The following STOM variants were observed in gnomAD, a reference collection of about 807,000 sequenced individuals.
STOM encodes stomatin.
Under a neutral mutation model 30.6 loss-of-function variants are expected in STOM, and 25 were observed. The observed-to-expected ratio is 0.82, with a 90% CI of 0.60 to 1.14. The LOEUF (loss-of-function observed/expected upper bound fraction) is 1.14. Ranked by LOEUF, STOM falls within the 50% of genes most tolerant of loss-of-function variation. STOM has a pLI of 0.00. For missense variants in STOM, 292 were observed against 365.2 expected (o/e 0.80, Z 1.63); for synonymous variants, 118 against 130.8 (o/e 0.90, Z 0.67).
chr9:121,355,761 A>T (rs2064382948), intron 2 of STOM, among the ~76,000 whole-genome samples: 1 of 152,204 alleles, frequency 6.6e-6, no homozygotes, highest in Non-Finnish European at 1.5e-5. Context: ...CTATCATCCT[A>T]ACTCTGAAGA....
chr9:121,365,376 A>G (rs1157141822), intron 1 of STOM, among the ~76,000 whole-genome samples: 1 of 152,206 alleles, frequency 6.6e-6, no homozygotes, highest in Non-Finnish European at 1.5e-5. Context: ...TGTTCAGGAA[A>G]ATTGGAGAGA....
In STOM at chr9:121,369,695, AG is replaced by A. The variant is rs150172971; in HGVS notation, c.61+431del. On this transcript the variant is annotated intron_variant, in intron 1 of 6. Transcript: ENST00000286713. ...GGAGGAGGGGGTTCACCCTGGGGCC[AG>A]GCCAGGGCTGGGTGGAGGAGGCGGC... 5.6e-3 allele frequency among the ~76,000 whole-genome samples: 856 copies of A among 152,140 alleles called. 5 individuals carry two copies. The highest frequency in any genetic ancestry group is 0.02 in the African/African-American group (818 of 41,504).
chr9:121,345,711 G>A (rs2064283267), intron 6 of STOM, among the ~76,000 whole-genome samples: 1 of 152,094 alleles, frequency 6.6e-6, no homozygotes, highest in Non-Finnish European at 1.5e-5. Flanking sequence ...AGAATTCTAA[G>A]CGGTTTCTTC....
intron 1 of STOM, among the ~76,000 whole-genome samples, chr9:121,359,131 G>A (rs941076199): frequency 3.3e-5 from 5 of 152,176 alleles, no homozygotes; most frequent in African/African-American, 9.7e-5. Context: ...TAATGACAGA[G>A]GGGAGAAAAG....
At chr9:121,361,221 C>A in intron 1 of STOM, among the ~76,000 whole-genome samples, 1 of 152,004 alleles carries the variant, frequency 6.6e-6, no homozygotes, top group East Asian at 1.9e-4. Flanking sequence ...TAGTCATCTA[C>A]CACTTCTGGG....
chr9:121,348,284 G>T, intron 5 of STOM, 135 bp from the exon 6 acceptor site: 1 of 1,238,546 alleles, frequency 8.1e-7, no homozygotes, highest in Non-Finnish European at 1.1e-6. Flanking sequence ...ACGGTGGAAC[G>T]AATGGTGACG....
intron 6 of STOM, among the ~76,000 whole-genome samples, chr9:121,345,948 C>A (rs2064285743): frequency 6.6e-6 from 1 of 152,006 alleles, no homozygotes; most frequent in South Asian, 2.1e-4. Context: ...GGATGGCAAA[C>A]AAGTTTCATT....
At chr9:121,344,027 G>A (rs932357542) in intron 6 of STOM, among the ~76,000 whole-genome samples, 9 of 152,176 alleles carry the variant, frequency 5.9e-5, no homozygotes, top group African/African-American at 2.2e-4. Context: ...GACTAGGTAG[G>A]AGGAGGAAAG....
chr9:121,350,269 C>A (rs1041451981), intron 4 of STOM, among the ~76,000 whole-genome samples: 4 of 152,226 alleles, frequency 2.6e-5, no homozygotes, highest in Non-Finnish European at 5.9e-5. Context: ...CTCTCACTAA[C>A]AACATCAGGC....
intron 1 of STOM, among the ~76,000 whole-genome samples, chr9:121,362,454 T>C (rs1005521083): frequency 2.0e-5 from 3 of 152,206 alleles, no homozygotes; most frequent in Non-Finnish European, 4.4e-5. Context: ...ATTAATTCCA[T>C]TTTATATGAT....
intron 6 of STOM, among the ~76,000 whole-genome samples, chr9:121,345,486 G>C (rs187088327): frequency 1.2e-4 from 19 of 152,148 alleles, no homozygotes; most frequent in Non-Finnish European, 2.4e-4. Flanking sequence ...CACCTTTCCT[G>C]TGCAATTTAT....
intron 2 of STOM, 53 bp from the exon 3 acceptor site, chr9:121,354,726 T>G (rs976110610): frequency 7.5e-7 from 1 of 1,341,444 alleles, no homozygotes; most frequent in African/African-American, 1.5e-5. Context: ...AATATATACA[T>G]GCATGGCTTC....
rs748739430 is a variant in STOM, at chr9:121,341,411, A to G, written c.661-3T>C. ...ATTTCTCCTTCGGCTGCAATAACCT[A>G]TGGACAGGTGAAAGGAGGGGTTGAA... On this transcript the variant is annotated splice_polypyrimidine_tract_variant and splice_region_variant and intron_variant, in intron 6 of 6. Coordinates refer to ENST00000286713, the MANE Select transcript of STOM (RefSeq NM_004099.6). 1 of 1,612,654 alleles carries G rather than the reference A, an allele frequency of 6.2e-7. No individual in the cohort carries two copies. Among genetic ancestry groups the G allele is most frequent in the Middle Eastern group, 2.1e-4 (1 of 4,808 alleles).
chr9:121,342,407 T>C (rs2064254329), intron 6 of STOM, among the ~76,000 whole-genome samples: 1 of 152,044 alleles, frequency 6.6e-6, no homozygotes, highest in Non-Finnish European at 1.5e-5. Flanking sequence ...TAGGAGAAAT[T>C]CTGAAATGTT....
At chr9:121,351,936 C>A (rs893667144) in intron 4 of STOM, among the ~76,000 whole-genome samples, 6 of 151,696 alleles carry the variant, frequency 4.0e-5, no homozygotes, top group Non-Finnish European at 8.8e-5. Context: ...TAGAATAAAA[C>A]CTTAAGAAAA....
intron 1 of STOM, among the ~76,000 whole-genome samples, chr9:121,359,641 T>G (rs1389585508): frequency 6.6e-6 from 1 of 152,178 alleles, no homozygotes; most frequent in African/African-American, 2.4e-5. Flanking sequence ...AACAGCCCTG[T>G]GAGGGTATTT....
rs1324312068 is a variant in STOM at position 121,341,227 on chromosome 9, C to T, written c.842G>A (p.Gly281Glu). 6 of 1,613,974 alleles carry T rather than the reference C, an allele frequency of 3.7e-6. No individual in the cohort carries two copies. In the African/African-American group the frequency reaches 6.7e-5, roughly 18 times the overall value. ...CTAGCCTAGATGGCTGTGTTTTGCC[C>T]CTATGATTCCTTGCAGCATATCTAT... ...LPIDMLQGII[G>E]AKHSHLG The change falls in exon 7 of 7, where the codon GGG becomes GAG. Residue 281 changes from glycine (G) to glutamate (E), a missense_variant. Gly to Glu is a moderately conservative substitution (Grantham distance 98, BLOSUM62 -2). Coordinates refer to ENST00000286713, the MANE Select transcript of STOM (RefSeq NM_004099.6).
rs1424882706 is a variant in STOM, at chr9:121,349,239, T to C, written c.406A>G (p.Ile136Val). Residue 136 changes from isoleucine (I) to valine (V), a missense_variant, in exon 5 of 7, where the codon ATC becomes GTC. Physicochemically the swap from Ile to Val is conservative, Grantham distance 29 (BLOSUM62 3). Transcript: ENST00000286713. The part of the protein sequence containing the change: ...VQNATLAVAN[I>V]TNADSATRLL... The stretch of plus-strand genomic sequence containing the variant: ...CGGGTTGCTGAGTCAGCGTTGGTGA[T>C]ATTTGCCACAGCCAGGGTTGCATTC... The C allele has an allele frequency of 8.1e-6, 13 of 1,614,094 alleles. No homozygotes were observed. Among genetic ancestry groups the C allele is most frequent in the African/African-American group, 2.7e-5 (2 of 74,930 alleles).
At position 121,340,923 on chromosome 9, in the gene STOM, G is replaced by A. The variant is rs893838016; in HGVS notation, c.*279C>T. 8.0e-6 allele frequency: 10 copies of A among 1,245,364 alleles called. No individual in the cohort carries two copies. The highest frequency in any genetic ancestry group is 1.5e-5 in the African/African-American group (1 of 65,228). The allele number at this position is 1,245,364 out of a possible 1,614,324, so 77.1% of individuals were successfully genotyped here. On this transcript the variant is annotated 3_prime_UTR_variant, in exon 7 of 7. Coordinates refer to ENST00000286713, the MANE Select transcript of STOM (RefSeq NM_004099.6). ...TGGGTGCTTAGGGGGTTCAGAATGA[G>A]TCAGTGGAAGTCAAAACAAGAGGGA... is the stretch of plus-strand genomic sequence containing the variant.
Sources: gnomAD v4.1 joint callset for allele counts (sites outside exome capture counted in the v4.1 genomes callset) on GRCh38, gnomAD v4.1.1 for gene constraint, MANE v1.5 for transcripts, NCBI Gene and HGNC (gene_info 2026-07-23, HGNC 2026-07-21) for gene names.